MRPL43: variants seen among roughly 807,000 people sequenced by gnomAD.
MRPL43 encodes the protein mitochondrial ribosomal protein L43.
A neutral mutation model predicts 12.7 loss-of-function variants in MRPL43; 9 were observed. That is an observed-to-expected ratio of 0.71 (90% CI 0.43 to 1.24). The LOEUF (loss-of-function observed/expected upper bound fraction) is 1.24. Ranked by LOEUF, MRPL43 falls within the 50% of genes most tolerant of loss-of-function variation. The pLI, the probability that MRPL43 is intolerant of heterozygous loss-of-function variation, is 0.00. For synonymous variants in MRPL43, 116 were observed against 96.4 expected (o/e 1.20, Z -1.19); for missense variants, 211 against 229.2 (o/e 0.92, Z 0.51).
At chr10:100,983,387 C>G, downstream of MRPL43, 1 of 1,611,160 alleles carries the variant, frequency 6.2e-7, no homozygotes. Flanking sequence ...CCAACCTGGC[C>G]CGGGCCTTGT....
chr10:100,979,893 G>A (rs964354750), downstream of MRPL43: 4 of 1,614,112 alleles, frequency 2.5e-6, no homozygotes, highest in Non-Finnish European at 2.5e-6. Flanking sequence ...ACCTGGCAGA[G>A]ATCCAGGCTG....
downstream of MRPL43, chr10:100,978,826 C>T (rs755243554): frequency 5.0e-6 from 8 of 1,610,306 alleles, no homozygotes; most frequent in South Asian, 8.8e-5. Flanking sequence ...TCTCAAAAGC[C>T]TCTCAAACTG....
chr10:100,984,156 C>G (rs769527048), downstream of MRPL43: 1 of 1,581,644 alleles, frequency 6.3e-7, no homozygotes, highest in East Asian at 2.2e-5. Context: ...AACAAATGCT[C>G]TTCCAAGCCA....
downstream of MRPL43, chr10:100,978,952 G>A (rs142733326): frequency 6.2e-7 from 1 of 1,614,190 alleles, no homozygotes; most frequent in Non-Finnish European, 8.5e-7. Context: ...CCACTGAGGA[G>A]GGCTCTGGCA....
At chr10:100,981,505 G>A (rs1289578935), downstream of MRPL43, 2 of 1,614,030 alleles carry the variant, frequency 1.2e-6, no homozygotes, top group Admixed American at 3.3e-5. Context: ...GACGGTAATG[G>A]GTATTTCCCC....
At chr10:100,980,679 A>T, downstream of MRPL43, 4 of 1,613,740 alleles carry the variant, frequency 2.5e-6, no homozygotes, top group Non-Finnish European at 3.4e-6. Flanking sequence ...AAATCTAGTC[A>T]TCTCTCTATT....
At chr10:100,983,326 C>A, downstream of MRPL43, 1 of 1,566,014 alleles carries the variant, frequency 6.4e-7, no homozygotes, top group Non-Finnish European at 8.7e-7. Context: ...CCACTGAAGA[C>A]CCGCTCTGTG....
At chr10:100,977,869 G>A (rs1015243932), downstream of MRPL43, 10 of 704,750 alleles carry the variant, frequency 1.4e-5, no homozygotes, top group Non-Finnish European at 2.5e-5. Flanking sequence ...GGGCACTCCA[G>A]TGGCGGCGGG....
chr10:100,986,277 G>C lies in MRPL43; in HGVS notation c.*457C>G. The C allele has an allele frequency of 7.3e-7, 1 of 1,365,398 alleles. No homozygotes were observed. Among genetic ancestry groups the C allele is most frequent in the Non-Finnish European group, 9.4e-7 (1 of 1,063,320 alleles). The allele number at this position is 1,365,398 out of a possible 1,614,324, so 84.6% of individuals were successfully genotyped here. ...CATTTTGAAGACAGACCTGAAATGT[G>C]ACCTTGGATAAGTTTATTAACCTGT... On this transcript the variant is annotated 3_prime_UTR_variant, in exon 3 of 3. Transcript: ENST00000318364.
downstream of MRPL43, chr10:100,984,692 T>C: frequency 6.5e-7 from 1 of 1,536,282 alleles, no homozygotes; most frequent in Non-Finnish European, 8.7e-7. Context: ...GTTTCATCCC[T>C]GCTTCTGGAC....
chr10:100,977,915 T>C (rs923257764), downstream of MRPL43: 14 of 601,200 alleles, frequency 2.3e-5, no homozygotes, highest in Middle Eastern at 2.6e-4. Flanking sequence ...GTAAAAACCA[T>C]GCAGTTTTTA....
At chr10:100,979,290 G>A (rs146501195), downstream of MRPL43, 118 of 1,614,016 alleles carry the variant, frequency 7.3e-5, no homozygotes, top group Admixed American at 2.2e-4. Context: ...AGGGACAATC[G>A]GGAGGCAAGA....
downstream of MRPL43, chr10:100,978,305 C>A (rs149008935): frequency 1.4e-4 from 228 of 1,612,736 alleles, no homozygotes; most frequent in Non-Finnish European, 1.8e-4. Flanking sequence ...GATGCTGAGG[C>A]CTTCACCTTG....
chr10:100,986,836 G>C lies in MRPL43; in HGVS notation c.378C>G (p.Ile126Met). 3 of 1,613,908 alleles carry C rather than the reference G, an allele frequency of 1.9e-6. No individual in the cohort carries two copies. The highest frequency in any genetic ancestry group is 2.5e-6 in the Non-Finnish European group (3 of 1,180,034). The change falls in exon 3 of 3, where the codon ATC becomes ATG. Residue 126 changes from isoleucine to methionine, a missense_variant. By Grantham distance (10) the Ile-to-Met change is conservative. Transcript: ENST00000318364. ...RKPFHTDNPS[I>M]QGQWHPFTNK... ...TGGTGAAGGGGTGCCACTGGCCCTGGATGCTAGGGTTGTCGGTGTGGAAGG... is the reference window on the plus strand; with the variant it reads ...TGGTGAAGGGGTGCCACTGGCCCTGCATGCTAGGGTTGTCGGTGTGGAAGG...
downstream of MRPL43, among the ~76,000 whole-genome samples, chr10:100,982,676 C>A (rs1851157054): frequency 6.6e-6 from 1 of 152,180 alleles, no homozygotes; most frequent in Non-Finnish European, 1.5e-5. Flanking sequence ...CCTGTAATCC[C>A]AGCTACTCAG....
downstream of MRPL43, chr10:100,980,261 G>A (rs76584327): frequency 2.1e-4 from 331 of 1,614,198 alleles, 3 homozygotes; most frequent in East Asian, 4.7e-3. Flanking sequence ...CTGCTCAAGC[G>A]CAACATACGC....
At chr10:100,983,406 A>G, downstream of MRPL43, 2 of 1,612,394 alleles carry the variant, frequency 1.2e-6, no homozygotes, top group Non-Finnish European at 1.7e-6. Context: ...GTGGCTACTC[A>G]ATGGGAGCAT....
At chr10:100,977,940 A>G (rs1177206659), downstream of MRPL43, 17 of 585,754 alleles carry the variant, frequency 2.9e-5, no homozygotes, top group Non-Finnish European at 3.1e-6. Context: ...ATTTTCACTT[A>G]GCATCCTCCC....
Position 100,986,624 on chromosome 10 carries a change from T to C in MRPL43, c.*110A>G, listed in dbSNP as rs1249629115. ...TATCCCAAGCAGAACCTCTGTCAAC[T>C]TGCCCATTGATGGGTTCCATTTGCC... On this transcript the variant is annotated 3_prime_UTR_variant, in exon 3 of 3. Transcript: ENST00000318364. 1.9e-6 allele frequency: 3 copies of C among 1,613,416 alleles called. No individual in the cohort carries two copies. Among genetic ancestry groups the C allele is most frequent in the Non-Finnish European group, 2.5e-6 (3 of 1,179,952 alleles).
Sources: allele counts gnomAD v4.1 joint callset (sites outside exome capture counted in the v4.1 genomes callset), GRCh38; gene constraint gnomAD v4.1.1; transcripts MANE v1.5; gene names NCBI Gene and HGNC (gene_info 2026-07-23, HGNC 2026-07-21).